ARHGAP12: variants seen among roughly 807,000 people sequenced by gnomAD.
ARHGAP12 encodes Rho GTPase activating protein 12.
A neutral mutation model predicts 108.6 loss-of-function variants in ARHGAP12; 64 were observed. The observed-to-expected ratio is 0.59, with a 90% CI of 0.48 to 0.73. The LOEUF (loss-of-function observed/expected upper bound fraction) is 0.73. ARHGAP12 is among the 30% of genes least tolerant of loss of function. ARHGAP12 has a pLI of 0.00. For synonymous variants in ARHGAP12, 312 were observed against 337.2 expected (o/e 0.93, Z 0.82); for missense variants, 940 against 1,005.9 (o/e 0.93, Z 0.89).
chr10:31,835,157 C>T (rs1835966423), intron 9 of ARHGAP12, among the ~76,000 whole-genome samples: 1 of 150,016 alleles, frequency 6.7e-6, no homozygotes, highest in African/African-American at 2.5e-5. Context: ...GAGATCGCGC[C>T]ACTGCACTCC....
At chr10:31,888,152 G>A (rs572335146) in intron 3 of ARHGAP12, among the ~76,000 whole-genome samples, 153 of 152,266 alleles carry the variant, frequency 1.0e-3, no homozygotes, top group African/African-American at 3.4e-3. Context: ...GAGACCCACA[G>A]TCAGAAAAAG....
intron 9 of ARHGAP12, among the ~76,000 whole-genome samples, chr10:31,832,298 T>A (rs1835862591): frequency 6.6e-6 from 1 of 152,154 alleles, no homozygotes; most frequent in South Asian, 2.1e-4. Flanking sequence ...TTAACTGGTA[T>A]CATGTACAGA....
intron 3 of ARHGAP12, among the ~76,000 whole-genome samples, chr10:31,883,188 C>T (rs781748494): frequency 2.0e-4 from 31 of 151,356 alleles, no homozygotes; most frequent in Non-Finnish European, 4.4e-5. Context: ...CCAGCTACTC[C>T]GGAGGCTGAG....
rs967847705 is a variant in ARHGAP12 at position 31,807,420 on chromosome 10, G to C, written c.*238C>G. On this transcript the variant is annotated 3_prime_UTR_variant, in exon 20 of 20. Transcript: ENST00000344936. ...TTTACTGAAATTCAGAGTATGAAATGCAAACATTCAGGATAAAATGAATTC... is the reference window on the plus strand; with the variant it reads ...TTTACTGAAATTCAGAGTATGAAATCCAAACATTCAGGATAAAATGAATTC... 1.4e-5 allele frequency: 5 copies of C among 365,018 alleles called. No homozygotes were observed. The highest frequency in any genetic ancestry group is 2.4e-5 in the Non-Finnish European group (5 of 204,384). The allele number at this position is 365,018 out of a possible 1,614,324, so 22.6% of individuals were successfully genotyped here.
intron 4 of ARHGAP12, among the ~76,000 whole-genome samples, chr10:31,855,459 T>C (rs1037199738): frequency 2.6e-5 from 4 of 152,210 alleles, no homozygotes; most frequent in African/African-American, 9.6e-5. Context: ...AACACTAAGA[T>C]AGGTAGATTC....
At chr10:31,814,434 CAAT>C in intron 13 of ARHGAP12, 73 bp from the exon 14 acceptor site, 1 of 1,213,702 alleles carries the variant, frequency 8.2e-7, no homozygotes, top group South Asian at 1.3e-5. Context: ...ATAATTCTCA[CAAT>C]GACTATTGTA....
At chr10:31,878,270 T>C (rs971493247) in intron 3 of ARHGAP12, among the ~76,000 whole-genome samples, 7 of 152,306 alleles carry the variant, frequency 4.6e-5, no homozygotes, top group East Asian at 1.9e-4. Flanking sequence ...ATATCCTGAA[T>C]GAGGTTGTAA....
At chr10:31,915,343 G>A (rs548202348) in intron 1 of ARHGAP12, among the ~76,000 whole-genome samples, 15 of 150,104 alleles carry the variant, frequency 1.0e-4, no homozygotes, top group African/African-American at 1.5e-4. Context: ...CCAAGATAGC[G>A]TCATTGCACT....
intron 3 of ARHGAP12, among the ~76,000 whole-genome samples, chr10:31,880,379 C>G (rs553660540): frequency 6.6e-6 from 1 of 152,228 alleles, no homozygotes; most frequent in East Asian, 1.9e-4. Context: ...GAGGCCAGGA[C>G]AGGAGGACTG....
At chr10:31,879,986 A>C (rs1305460466) in intron 3 of ARHGAP12, among the ~76,000 whole-genome samples, 1 of 152,210 alleles carries the variant, frequency 6.6e-6, no homozygotes, top group East Asian at 1.9e-4. Flanking sequence ...AAGCAACAGA[A>C]ATAATATACT....
At chr10:31,834,272 T>C (rs1039780595) in intron 9 of ARHGAP12, among the ~76,000 whole-genome samples, 1 of 152,212 alleles carries the variant, frequency 6.6e-6, no homozygotes, top group Non-Finnish European at 1.5e-5. Flanking sequence ...AATTTGTACG[T>C]TGAAATCTAA....
At chr10:31,869,709 T>C (rs1377770989) in intron 3 of ARHGAP12, among the ~76,000 whole-genome samples, 2 of 152,216 alleles carry the variant, frequency 1.3e-5, no homozygotes, top group African/African-American at 2.4e-5. Flanking sequence ...ACTTTATCTA[T>C]AGATAGACTA....
chr10:31,877,130 G>A (rs1837761453), intron 3 of ARHGAP12, among the ~76,000 whole-genome samples: 1 of 152,186 alleles, frequency 6.6e-6, no homozygotes, highest in Non-Finnish European at 1.5e-5. Flanking sequence ...AGTCAGTTAA[G>A]ATTTACTAAT....
At chr10:31,812,568 G>A (rs528863121) in intron 15 of ARHGAP12, 139 bp downstream of exon 15, 16 of 530,178 alleles carry the variant, frequency 3.0e-5, no homozygotes, top group Middle Eastern at 4.4e-4. Context: ...ATTACTTAAT[G>A]TCTTTTAATC....
rs545554668 is a variant in ARHGAP12, at chr10:31,858,426, C to T, written c.948+2969G>A. Among the ~76,000 whole-genome samples the T allele has an allele frequency of 9.2e-5, 14 of 152,096 alleles. 1 individual carries two copies. Among genetic ancestry groups the T allele is most frequent in the African/African-American group, 3.4e-4 (14 of 41,494 alleles). On this transcript the variant is annotated intron_variant, in intron 4 of 19. Transcript: ENST00000344936. ...CTTTACACTATGCATAGACTAACTA[C>T]GCATGCTAAAGCTGGGCATGGTGGC...
At chr10:31,917,320 A>G (rs1839603790) in intron 1 of ARHGAP12, among the ~76,000 whole-genome samples, 1 of 152,122 alleles carries the variant, frequency 6.6e-6, no homozygotes, top group Non-Finnish European at 1.5e-5. Flanking sequence ...AGGCAGGAGA[A>G]TATCTTGAAC....
intron 10 of ARHGAP12, among the ~76,000 whole-genome samples, chr10:31,830,368 T>A (rs1455252775): frequency 1.3e-5 from 2 of 151,934 alleles, no homozygotes; most frequent in African/African-American, 2.4e-5. Context: ...GAAAAAAGTA[T>A]TCCAAAAGAA....
At chr10:31,857,698 A>C (rs1184673761) in intron 4 of ARHGAP12, among the ~76,000 whole-genome samples, 2 of 152,248 alleles carry the variant, frequency 1.3e-5, no homozygotes, top group Non-Finnish European at 2.9e-5. Context: ...CACTTAAAGA[A>C]AAGACAATCA....
chr10:31,853,417 A>G (rs2799020), intron 5 of ARHGAP12, among the ~76,000 whole-genome samples: 30,218 of 152,112 alleles, frequency 0.2, 3,325 homozygotes, highest in East Asian at 0.38. Flanking sequence ...GGGAAAAAAG[A>G]CTACATATTG....
Sources: gnomAD v4.1 joint callset for allele counts (sites outside exome capture counted in the v4.1 genomes callset) on GRCh38, gnomAD v4.1.1 for gene constraint, MANE v1.5 for transcripts, NCBI Gene and HGNC (gene_info 2026-07-23, HGNC 2026-07-21) for gene names.